AUTS2: variants seen among roughly 807,000 people sequenced by gnomAD.
AUTS2 encodes autism susceptibility gene 2 protein.
In AUTS2, 17 loss-of-function variants were observed where a neutral mutation model predicts 112.4. The observed-to-expected ratio is 0.15, with a 90% CI of 0.10 to 0.23. AUTS2 has a LOEUF of 0.23. AUTS2 is among the 10% of genes least tolerant of loss of function. The pLI is 1.00. For missense variants in AUTS2, 1,510 were observed against 1,701.6 expected, an observed-to-expected ratio of 0.89 and a Z score of 1.98; for synonymous variants, 751 against 702.7, an observed-to-expected ratio of 1.07 and a Z score of -1.09.
In AUTS2 at chr7:70,269,556, T is replaced by C. The variant is rs566477405; in HGVS notation, c.660+134985T>C. Among the ~76,000 whole-genome samples the C allele has an allele frequency of 1.9e-4, 29 of 152,326 alleles. No homozygotes were observed. The South Asian group carries it at 5.8e-3, about 30-fold the overall frequency. On this transcript the variant is annotated intron_variant, in intron 4 of 18. Transcript: ENST00000342771. ...TTCTGAATGACTTTAAGCAAGTTAT[T>C]TGACTTCTCTTTGCCTCAGTTTCCT...
At chr7:70,746,812 A>T (rs1332961321) in intron 6 of AUTS2, among the ~76,000 whole-genome samples, 8 of 152,308 alleles carry the variant, frequency 5.3e-5, no homozygotes, top group South Asian at 2.1e-4. Flanking sequence ...GAACACGGGG[A>T]GTAGCAGTGT....
chr7:70,311,889 T>A, intron 4 of AUTS2, among the ~76,000 whole-genome samples: 1 of 152,256 alleles, frequency 6.6e-6, no homozygotes, highest in South Asian at 2.1e-4. Context: ...CTAATTTTTG[T>A]ATTTTTAGTA....
chr7:70,316,126 G>A (rs976875432), intron 4 of AUTS2, among the ~76,000 whole-genome samples: 2 of 152,226 alleles, frequency 1.3e-5, no homozygotes, highest in Admixed American at 6.5e-5. Flanking sequence ...AAGTCATAAT[G>A]TAATAAGAAG....
chr7:70,651,229 A>G (rs57848182), intron 5 of AUTS2, among the ~76,000 whole-genome samples: 29,039 of 152,144 alleles, frequency 0.19, 3,438 homozygotes, highest in East Asian at 0.37. Flanking sequence ...AAGTTAAATA[A>G]GGTACCCAGT....
At chr7:70,207,855 T>TA (rs1810647537) in intron 4 of AUTS2, among the ~76,000 whole-genome samples, 1 of 151,492 alleles carries the variant, frequency 6.6e-6, no homozygotes, top group Non-Finnish European at 1.5e-5. Context: ...CTACTAAATA[T>TA]AAAAAATTAG....
intron 1 of AUTS2, among the ~76,000 whole-genome samples, chr7:69,858,038 G>A (rs1792812549): frequency 6.6e-6 from 1 of 152,128 alleles, no homozygotes; most frequent in South Asian, 2.1e-4. Context: ...GGGGCATGGA[G>A]TCTGATGAGC....
chr7:69,636,852 G>A (rs1794566029), intron 1 of AUTS2, among the ~76,000 whole-genome samples: 2 of 151,970 alleles, frequency 1.3e-5, no homozygotes, highest in South Asian at 2.1e-4. Context: ...TCCAAGTTCC[G>A]CCTCCCAGGT....
intron 1 of AUTS2, among the ~76,000 whole-genome samples, chr7:69,824,094 G>GT (rs1791126553): frequency 1.3e-5 from 2 of 151,952 alleles, no homozygotes; most frequent in Admixed American, 1.3e-4. Context: ...GTCACTGGAT[G>GT]TAAGTACTCA....
intron 2 of AUTS2, among the ~76,000 whole-genome samples, chr7:70,005,676 T>C (rs1021188401): frequency 6.6e-6 from 1 of 152,068 alleles, no homozygotes; most frequent in Admixed American, 6.6e-5. Context: ...AGCTGGCTGC[T>C]GAAGAAGAGA....
At chr7:70,435,138 G>T (rs988413803) in intron 4 of AUTS2, among the ~76,000 whole-genome samples, 16 of 152,156 alleles carry the variant, frequency 1.1e-4, no homozygotes, top group South Asian at 2.1e-4. Context: ...CTTGTCTTTG[G>T]CATACTTTTT....
intron 4 of AUTS2, among the ~76,000 whole-genome samples, chr7:70,155,995 T>C (rs924087219): frequency 1.3e-5 from 2 of 152,036 alleles, no homozygotes; most frequent in African/African-American, 2.4e-5. Context: ...GTTTTGTTTT[T>C]TTCTCCTGTT....
At chr7:70,387,649 G>T (rs1010666211) in intron 4 of AUTS2, among the ~76,000 whole-genome samples, 4 of 152,142 alleles carry the variant, frequency 2.6e-5, no homozygotes, top group Admixed American at 6.6e-5. Flanking sequence ...GTGACCCAAG[G>T]TTGCAAATTT....
chr7:70,124,238 T>C (rs920417814), intron 3 of AUTS2, among the ~76,000 whole-genome samples: 3 of 152,220 alleles, frequency 2.0e-5, no homozygotes, highest in Non-Finnish European at 2.9e-5. Context: ...TAGCTCCTTA[T>C]AGATGCTCGA....
intron 1 of AUTS2, among the ~76,000 whole-genome samples, chr7:69,703,574 G>A (rs1797919038): frequency 1.3e-5 from 2 of 152,176 alleles, no homozygotes; most frequent in Non-Finnish European, 2.9e-5. Flanking sequence ...TTTAGAGTAG[G>A]CTAGGTATGA....
chr7:69,740,812 G>A (rs1380146311), intron 1 of AUTS2, among the ~76,000 whole-genome samples: 1 of 152,224 alleles, frequency 6.6e-6, no homozygotes, highest in Non-Finnish European at 1.5e-5. Context: ...ATGAGCCACT[G>A]CGCCCGGCCA....
chr7:70,682,352 TC>T, intron 5 of AUTS2, among the ~76,000 whole-genome samples: 1 of 152,238 alleles, frequency 6.6e-6, no homozygotes, highest in African/African-American at 2.4e-5. Flanking sequence ...ATTCCCAGCC[TC>T]CAAAAGGAAA....
chr7:70,185,257 C>CTTTTTTTTTTTTTTTTTTTTTTTT (rs35215443), intron 4 of AUTS2, among the ~76,000 whole-genome samples: 4 of 87,118 alleles, frequency 4.6e-5, no homozygotes, highest in East Asian at 3.7e-4. Context: ...TGACATTAAA[C>CTTTTTTTTTTTTTTTTTTTTTTTT]TTTTTTTTTT....
At chr7:69,726,697 T>C (rs1322973990) in intron 1 of AUTS2, among the ~76,000 whole-genome samples, 5 of 152,216 alleles carry the variant, frequency 3.3e-5, no homozygotes, top group Non-Finnish European at 5.9e-5. Flanking sequence ...TGTTCCATAC[T>C]GTCAAACATT....
At chr7:69,639,101 A>G (rs757451829) in intron 1 of AUTS2, among the ~76,000 whole-genome samples, 8 of 152,214 alleles carry the variant, frequency 5.3e-5, no homozygotes, top group Admixed American at 1.3e-4. Flanking sequence ...ATAGAGTTTT[A>G]TTAAAATGTA....
Sources: gnomAD v4.1 joint callset for allele counts (sites outside exome capture counted in the v4.1 genomes callset) on GRCh38, gnomAD v4.1.1 for gene constraint, MANE v1.5 for transcripts, NCBI Gene and HGNC (gene_info 2026-07-23, HGNC 2026-07-21) for gene names.